The following COMMD3 variants were observed in gnomAD, a reference collection of about 807,000 sequenced individuals.
The protein encoded by COMMD3 is COMM domain-containing protein 3.
A neutral mutation model predicts 31.2 loss-of-function variants in COMMD3; 31 were observed. The observed-to-expected ratio is 0.99, with a 90% confidence interval of 0.75 to 1.34. The LOEUF (loss-of-function observed/expected upper bound fraction) is 1.34. Ranked by LOEUF, COMMD3 falls within the 40% of genes most tolerant of loss-of-function variation. The pLI is 0.00. For missense variants in COMMD3, 274 were observed against 236.9 expected (o/e 1.16, Z -1.03); for synonymous variants, 108 against 87.3 (o/e 1.24, Z -1.32).
rs1236689790 is a variant in COMMD3 at position 22,318,793 on chromosome 10, T to G, written c.412-13T>G. 1.2e-6 allele frequency: 2 copies of G among 1,613,900 alleles called. No individual in the cohort carries two copies. The highest frequency in any genetic ancestry group is 3.3e-5 in the Admixed American group (2 of 60,010). On this transcript the variant is annotated splice_polypyrimidine_tract_variant and intron_variant, in intron 5 of 7. Transcript: ENST00000376836. ...GAGTTAAAAGCTGTTGCGTGTTTGTTGTGTTATTTTAGACCAATCAACTTC... is the reference window on the plus strand; with the variant it reads ...GAGTTAAAAGCTGTTGCGTGTTTGTGGTGTTATTTTAGACCAATCAACTTC...
chr10:22,319,859 T>C lies in COMMD3; in HGVS notation c.529-80T>C. ...GTTTGGAAGGTGTGTCCTGATTTTTTTTCTTGCATCTTTCTTGAGCTTGGA... is the reference window on the plus strand; with the variant it reads ...GTTTGGAAGGTGTGTCCTGATTTTTCTTCTTGCATCTTTCTTGAGCTTGGA... On this transcript the variant is annotated intron_variant, in intron 7 of 7. Coordinates refer to ENST00000376836, the MANE Select transcript of COMMD3 (RefSeq NM_012071.4). 2.6e-6 allele frequency: 4 copies of C among 1,561,368 alleles called. No homozygotes were observed. The South Asian group carries it at 4.6e-5, about 18-fold the overall frequency.
chr10:22,316,659 A>C (rs1588613475), intron 1 of COMMD3, 103 bp downstream of exon 1: 6 of 1,371,778 alleles, frequency 4.4e-6, no homozygotes, highest in East Asian at 2.9e-5. Context: ...GGGAAGAGGA[A>C]GTCTCCGGGC....
Position 22,320,068 on chromosome 10 carries a change from C to G in COMMD3, c.*70C>G, listed in dbSNP as rs775007236. On this transcript the variant is annotated 3_prime_UTR_variant, in exon 8 of 8. Coordinates refer to ENST00000376836, the MANE Select transcript of COMMD3 (RefSeq NM_012071.4). ...AACGCCTTGCCTTCAGCTGAACCAC[C>G]GTTTGTGCGAGCTGGATGTCCTTTT... The G allele has an allele frequency of 5.6e-6, 9 of 1,613,492 alleles. No homozygotes were observed. The highest frequency in any genetic ancestry group is 4.4e-5 in the South Asian group (4 of 90,986).
Position 22,320,102 on chromosome 10 carries a change from A to G in COMMD3, c.*104A>G, listed in dbSNP as rs777911421. ...GAGCTGGATGTCCTTTTCAGTAGAA[A>G]AGAATTTTCCTTTTGAATTTATACC... On this transcript the variant is annotated 3_prime_UTR_variant, in exon 8 of 8. Coordinates refer to ENST00000376836, the MANE Select transcript of COMMD3 (RefSeq NM_012071.4). The G allele has an allele frequency of 5.0e-6, 8 of 1,601,698 alleles. No individual in the cohort carries two copies. In the Admixed American group the frequency reaches 1.2e-4, roughly 24 times the overall value.
In COMMD3 at chr10:22,316,443, A is replaced by C. The variant is rs974038630; in HGVS notation, c.26A>C (p.Lys9Thr). The change falls in exon 1 of 8, where the codon AAA becomes ACA. Residue 9 changes from lysine (K) to threonine (T), a missense_variant. Lys to Thr is a moderately conservative substitution (Grantham distance 78, BLOSUM62 -1). Coordinates refer to ENST00000376836, the MANE Select transcript of COMMD3 (RefSeq NM_012071.4). ...ATGGAGCTCTCGGAGTCTGTGCAGA[A>C]AGGCTTCCAGATGCTGGCGGATCCC... MELSESVQKGFQMLADPRS... is the reference protein window; with the variant it reads MELSESVQTGFQMLADPRS... The C allele has an allele frequency of 6.4e-7, 1 of 1,550,950 alleles. No homozygotes were observed. The highest frequency in any genetic ancestry group is 1.4e-5 in the African/African-American group (1 of 73,038).
Position 22,317,901 on chromosome 10 carries a change from C to T in COMMD3, c.157C>T (p.His53Tyr). The change falls in exon 2 of 8, where the codon CAT (histidine) becomes TAT (tyrosine). Residue 53 changes from histidine (H) to tyrosine (Y), a missense_variant. Coordinates refer to ENST00000376836, the MANE Select transcript of COMMD3 (RefSeq NM_012071.4). ...EAVLDHPDLK[H>Y]IDPVVLKHCH... ...TATTTTAGATCATCCAGACTTGAAA[C>T]ATATCGACCCAGTGGTTTTAAAACA... is the stretch of plus-strand genomic sequence containing the variant. 1 of 1,613,896 alleles carries T rather than the reference C, an allele frequency of 6.2e-7. No individual in the cohort carries two copies. The highest frequency in any genetic ancestry group is 8.5e-7 in the Non-Finnish European group (1 of 1,179,912).
At position 22,320,015 on chromosome 10, in the gene COMMD3, A is replaced by G; in HGVS notation, c.*17A>G. ...CAGTTGTAACTTGGGGAAGTTAACG[A>G]TCCGCCCGAGTGCAGAGGAAAACCA... On this transcript the variant is annotated 3_prime_UTR_variant, in exon 8 of 8. Coordinates refer to ENST00000376836, the MANE Select transcript of COMMD3 (RefSeq NM_012071.4). 1.2e-6 allele frequency: 2 copies of G among 1,614,164 alleles called. No homozygotes were observed. Among genetic ancestry groups the G allele is most frequent in the South Asian group, 2.2e-5 (2 of 91,088 alleles).
intron 7 of COMMD3, 46 bp from the exon 8 acceptor site, chr10:22,319,893 T>G (rs776049314): frequency 6.2e-7 from 1 of 1,608,362 alleles, no homozygotes; most frequent in Admixed American, 1.7e-5. Flanking sequence ...GATACTTCTT[T>G]CCATGTTTTA....
In COMMD3 at chr10:22,320,186, C is replaced by G. The variant is rs1044812034; in HGVS notation, c.*188C>G. The G allele has an allele frequency of 1.4e-6, 2 of 1,450,074 alleles. No individual in the cohort carries two copies. Among genetic ancestry groups the G allele is most frequent in the Non-Finnish European group, 1.8e-6 (2 of 1,088,970 alleles). The allele number at this position is 1,450,074 out of a possible 1,614,324, so 89.8% of individuals were successfully genotyped here. The stretch of plus-strand genomic sequence containing the variant: ...AAGGGTTAAGAGGGAAAGATACTGC[C>G]CAAGTATTTGAATCGTTTAGTAGTA... On this transcript the variant is annotated 3_prime_UTR_variant, in exon 8 of 8. Coordinates refer to ENST00000376836, the MANE Select transcript of COMMD3 (RefSeq NM_012071.4).
Position 22,318,107 on chromosome 10 carries a change from C to T in COMMD3, c.254C>T (p.Thr85Ile). Residue 85 changes from threonine (T) to isoleucine (I), a missense_variant and splice_region_variant, in exon 3 of 8, where the codon ACT becomes ATT. Transcript: ENST00000376836. ...KHRADKSTLSTYLEDCKFDRE... is the reference protein window; with the variant it reads ...KHRADKSTLSIYLEDCKFDRE... ...GGCTTTTTTTTTCTTTCTTCTAGCA[C>T]TTATCTAGAAGACTGTAAATTTGAC... is the stretch of plus-strand genomic sequence containing the variant. 1.2e-6 allele frequency: 2 copies of T among 1,612,216 alleles called. No individual in the cohort carries two copies. The highest frequency in any genetic ancestry group is 1.7e-6 in the Non-Finnish European group (2 of 1,179,574).
chr10:22,318,670 C>G lies in COMMD3; in HGVS notation c.368C>G (p.Pro123Arg). The G allele has an allele frequency of 1.2e-6, 2 of 1,613,084 alleles. No individual in the cohort carries two copies. Among genetic ancestry groups the G allele is most frequent in the Non-Finnish European group, 1.7e-6 (2 of 1,179,260 alleles). ...TCTTTCAGTATAGGCAGATCTCTCC[C>G]TCATATAACGGATGTTTCTTGGCGC... ...ILLGSIGRSL[P>R]HITDVSWRLE... Residue 123 changes from proline (P) to arginine (R), a missense_variant, in exon 5 of 8, where the codon CCT (proline) becomes CGT (arginine). By Grantham distance (103) the Pro-to-Arg change is moderately radical (BLOSUM62 -2). Coordinates refer to ENST00000376836, the MANE Select transcript of COMMD3 (RefSeq NM_012071.4).
intron 1 of COMMD3, 165 bp from the exon 2 acceptor site, chr10:22,317,719 A>C (rs1588614005): frequency 1.7e-6 from 1 of 591,912 alleles, no homozygotes; most frequent in Non-Finnish European, 2.9e-6. Flanking sequence ...ATTGTTTTTC[A>C]CTTGATCTTG....
In COMMD3 at chr10:22,316,416, C is replaced by G. The variant is rs1236773706; in HGVS notation, c.-2C>G. 2.0e-6 allele frequency: 3 copies of G among 1,529,134 alleles called. No individual in the cohort carries two copies. In the Admixed American group the frequency reaches 6.0e-5, roughly 31 times the overall value. 94.7% of individuals were successfully genotyped at this position (1,529,134 alleles called of 1,614,324 possible). On this transcript the variant is annotated 5_prime_UTR_variant, in exon 1 of 8. Coordinates refer to ENST00000376836, the MANE Select transcript of COMMD3 (RefSeq NM_012071.4). ...CGTGTCGAAGGTCACGGCGCGCTCA[C>G]AATGGAGCTCTCGGAGTCTGTGCAG...
At position 22,316,563 on chromosome 10, in the gene COMMD3, C is replaced by CGCTCG. The variant is rs1218944685; in HGVS notation, c.139+19_139+23dup. 23 of 1,544,890 alleles carry CGCTCG rather than the reference C, an allele frequency of 1.5e-5. No homozygotes were observed. Among genetic ancestry groups the CGCTCG allele is most frequent in the East Asian group, 2.5e-5 (1 of 40,558 alleles). On this transcript the variant is annotated splice_region_variant and intron_variant, in intron 1 of 7. Coordinates refer to ENST00000376836, the MANE Select transcript of COMMD3 (RefSeq NM_012071.4). ...GCGGACGAGGCCGTGTTAGGTAAGCCGCTCGGCTCGGCTCGGAGCTGGATC... is the reference window on the plus strand; with the variant it reads ...GCGGACGAGGCCGTGTTAGGTAAGCCGCTCGGCTCGGCTCGGCTCGGAGCTGGATC...
At chr10:22,319,242 C>G (rs60602527) in intron 7 of COMMD3, 10,946 of 461,344 alleles carry the variant, frequency 0.024, 399 homozygotes, top group African/African-American at 0.11. Context: ...ATTTGCTGTT[C>G]TTGCTGATTG....
In COMMD3 at chr10:22,319,947, G is replaced by A. The variant is rs1169135418; in HGVS notation, c.537G>A (p.Val179=). The stretch of plus-strand genomic sequence containing the variant: ...GTATACACGTCTTTTAGGACTTGGT[G>A]GGGAAACTTAAAGATGCTTCGAAAA... ...SCSMEQLQDL[V]GKLKDASKSL... Residue 179 remains valine (V), a synonymous_variant, in exon 8 of 8, where the codon GTG becomes GTA. Transcript: ENST00000376836. 6.2e-7 allele frequency: 1 copy of A among 1,614,052 alleles called. No homozygotes were observed. Among genetic ancestry groups the A allele is most frequent in the Non-Finnish European group, 8.5e-7 (1 of 1,179,984 alleles).
intron 7 of COMMD3, chr10:22,319,710 G>A (rs2131994044): frequency 5.8e-6 from 3 of 514,716 alleles, no homozygotes; most frequent in South Asian, 4.6e-5. Flanking sequence ...TAAGGATCCG[G>A]TTAGAAATCA....
chr10:22,320,145 C>A lies in COMMD3; in HGVS notation c.*147C>A. On this transcript the variant is annotated 3_prime_UTR_variant, in exon 8 of 8. Transcript: ENST00000376836. ...TTTATACCATTCATCAATTTTGACA[C>A]TTTAAAAACGTGTGAAAGGGTTAAG... is the stretch of plus-strand genomic sequence containing the variant. 6.5e-7 allele frequency: 1 copy of A among 1,544,552 alleles called. No homozygotes were observed. Among genetic ancestry groups the A allele is most frequent in the Non-Finnish European group, 8.7e-7 (1 of 1,143,498 alleles).
In COMMD3 at chr10:22,318,377, A is replaced by G; in HGVS notation, c.350+71A>G. 5.8e-6 allele frequency: 9 copies of G among 1,551,862 alleles called. No homozygotes were observed. The South Asian group carries it at 1.1e-4, about 19-fold the overall frequency. ...GGTATGAATGGAGAGTGTTGGTGTG[A>G]AACAAGATCTTCGGGATCTTGACCC... On this transcript the variant is annotated intron_variant, in intron 4 of 7. Transcript: ENST00000376836.
Sources: allele counts gnomAD v4.1 joint callset, GRCh38; gene constraint gnomAD v4.1.1; transcripts MANE v1.5; gene names NCBI Gene and HGNC (gene_info 2026-07-23, HGNC 2026-07-21).